NCR1: variants seen among roughly 807,000 people sequenced by gnomAD.
The protein encoded by NCR1 is natural cytotoxicity triggering receptor 1.
NCR1 carries 30 observed loss-of-function variants against 32.5 expected under a neutral mutation model. That is an observed-to-expected ratio of 0.92 (90% CI 0.69 to 1.25). NCR1 has a LOEUF of 1.25. Among genes scored for constraint, NCR1 ranks in the 50% most tolerant of loss-of-function variants. NCR1 has a pLI of 0.00. For synonymous variants in NCR1, 169 were observed against 143.4 expected (o/e 1.18, Z -1.28); for missense variants, 369 against 380.7 (o/e 0.97, Z 0.26).
At chr19:54,901,007 G>A in the NCR1 span, among the ~76,000 whole-genome samples, 19 of 151,776 alleles carry the variant, frequency 1.3e-4, no homozygotes, top group South Asian at 2.1e-3. Flanking sequence ...AAAAAAGGCC[G>A]GGTGCGGTGG....
At chr19:54,919,222 G>A (rs1417531960), downstream of NCR1, among the ~76,000 whole-genome samples, 1 of 149,976 alleles carries the variant, frequency 6.7e-6, no homozygotes, top group Non-Finnish European at 1.5e-5. Flanking sequence ...ACAAGACAAA[G>A]AGACAAGAGA....
downstream of NCR1, among the ~76,000 whole-genome samples, chr19:54,917,951 T>G (rs995954249): frequency 6.6e-6 from 1 of 152,056 alleles, no homozygotes; most frequent in African/African-American, 2.4e-5. Context: ...TCTTTCTTAT[T>G]GTTTTTATTC....
At chr19:54,931,042 C>A in the NCR1 span, among the ~76,000 whole-genome samples, 42,060 of 151,902 alleles carry the variant, frequency 0.28, 6,013 homozygotes, top group East Asian at 0.41. Flanking sequence ...ACAACAACAA[C>A]AAAAAGTATT....
the NCR1 span, among the ~76,000 whole-genome samples, chr19:54,927,952 G>C: frequency 6.6e-6 from 1 of 152,096 alleles, no homozygotes; most frequent in African/African-American, 2.4e-5. Flanking sequence ...ATTAGGCAGG[G>C]CGTGGGGACA....
the NCR1 span, among the ~76,000 whole-genome samples, chr19:54,929,576 G>A: frequency 1.3e-5 from 2 of 152,066 alleles, no homozygotes; most frequent in East Asian, 3.9e-4. Flanking sequence ...CATTTTCTGG[G>A]GGTGGTATCC....
the NCR1 span, among the ~76,000 whole-genome samples, chr19:54,932,373 A>G: frequency 6.6e-6 from 1 of 151,786 alleles, no homozygotes; most frequent in African/African-American, 2.4e-5. Flanking sequence ...AGTTGCAGTC[A>G]GCCAAGATTA....
In NCR1 at chr19:54,910,108, C is replaced by T. The variant is rs2067892366; in HGVS notation, c.682+43C>T. The T allele has an allele frequency of 1.9e-6, 3 of 1,569,378 alleles. No individual in the cohort carries two copies. In the African/African-American group the frequency reaches 4.1e-5, roughly 21 times the overall value. ...CTAAGCTCAGACGAGCGATCAGAGC[C>T]TCCCAGTGACACTAAAAACGTGGCA... On this transcript the variant is annotated intron_variant, in intron 5 of 6. Transcript: ENST00000291890.
the NCR1 span, among the ~76,000 whole-genome samples, chr19:54,921,915 G>A: frequency 1.3e-4 from 19 of 147,250 alleles, no homozygotes; most frequent in Admixed American, 1.2e-3. Context: ...TTTTTTTCGA[G>A]ACAAGAGTTT....
chr19:54,913,718 G>A (rs1302852822), downstream of NCR1, among the ~76,000 whole-genome samples: 1 of 151,892 alleles, frequency 6.6e-6, no homozygotes, highest in East Asian at 1.9e-4. Context: ...GATCACCTGA[G>A]GTCAGGAGTT....
rs1005912962 is a variant in NCR1 at position 54,912,955 on chromosome 19, A to G, written c.*84A>G. ...GCGGCGTGAGCTCTGTGTTGGACCC[A>G]CGGAGGAGGGAGTCACTGCAGGGAA... is the stretch of plus-strand genomic sequence containing the variant. On this transcript the variant is annotated 3_prime_UTR_variant, in exon 7 of 7. Transcript: ENST00000291890. 3 of 1,346,852 alleles carry G rather than the reference A, an allele frequency of 2.2e-6. No homozygotes were observed. The highest frequency in any genetic ancestry group is 2.9e-5 in the African/African-American group (2 of 69,370). 83.4% of individuals were successfully genotyped at this position (1,346,852 alleles called of 1,614,324 possible). A position where few individuals can be genotyped will look rare whatever the true frequency, so the allele number is the denominator to read the frequency against.
the NCR1 span, among the ~76,000 whole-genome samples, chr19:54,937,366 TG>T: frequency 6.6e-6 from 1 of 151,766 alleles, no homozygotes; most frequent in Non-Finnish European, 1.5e-5. Flanking sequence ...ACCTACTTTT[TG>T]GTTTGTTTTG....
In NCR1 at chr19:54,912,219, G is replaced by T. The variant is rs1352603649; in HGVS notation, c.733+1G>T. Reference sequence around the variant, plus strand: ...ACCACAGAGACGGGACTCCAGAAAGGTAAGTAGACAGCTGGGGCCATAGGC... The same window carrying T: ...ACCACAGAGACGGGACTCCAGAAAGTTAAGTAGACAGCTGGGGCCATAGGC... On this transcript the variant is annotated splice_donor_variant, in intron 6 of 6. Transcript: ENST00000291890. LOFTEE classifies it high-confidence loss of function. 1 of 1,613,766 alleles carries T rather than the reference G, an allele frequency of 6.2e-7. No individual in the cohort carries two copies. The highest frequency in any genetic ancestry group is 8.5e-7 in the Non-Finnish European group (1 of 1,179,724).
chr19:54,915,262 G>A (rs531759988), downstream of NCR1, among the ~76,000 whole-genome samples: 44 of 152,232 alleles, frequency 2.9e-4, 2 homozygotes, highest in South Asian at 8.9e-3. Flanking sequence ...CTGTGGCACA[G>A]CCTGCAACTT....
At chr19:54,908,501 G>A (rs1291054839) in intron 3 of NCR1, among the ~76,000 whole-genome samples, 1 of 152,082 alleles carries the variant, frequency 6.6e-6, no homozygotes, top group African/African-American at 2.4e-5. Flanking sequence ...GAGCTGTTGG[G>A]TACACCTCCC....
chr19:54,906,086 T>A, upstream of NCR1: 2 of 1,448,698 alleles, frequency 1.4e-6, no homozygotes, highest in Non-Finnish European at 1.9e-6. Context: ...AGCGCTCTGG[T>A]GATGGGCGCT....
chr19:54,900,764 A>G, the NCR1 span, among the ~76,000 whole-genome samples: 1 of 152,170 alleles, frequency 6.6e-6, no homozygotes, highest in South Asian at 2.1e-4. Context: ...GTTTAGAGAC[A>G]GAAGATGAGT....
At chr19:54,919,851 A>G (rs2068213531), downstream of NCR1, among the ~76,000 whole-genome samples, 1 of 152,126 alleles carries the variant, frequency 6.6e-6, no homozygotes, top group Admixed American at 6.5e-5. Context: ...CGCTAGACCA[A>G]GGAGCCCTCT....
At chr19:54,916,840 G>A (rs1053145998), downstream of NCR1, among the ~76,000 whole-genome samples, 1 of 151,212 alleles carries the variant, frequency 6.6e-6, no homozygotes, top group Admixed American at 6.6e-5. Flanking sequence ...GAGTCGCTGG[G>A]ATTACTGAGC....
upstream of NCR1, among the ~76,000 whole-genome samples, chr19:54,901,690 G>A (rs2067305134): frequency 6.6e-6 from 1 of 152,260 alleles, no homozygotes; most frequent in Non-Finnish European, 1.5e-5. Context: ...AAAGGAGGCT[G>A]GGCGTGGTGG....
Sources: allele counts gnomAD v4.1 joint callset (sites outside exome capture counted in the v4.1 genomes callset), GRCh38; gene constraint gnomAD v4.1.1; transcripts MANE v1.5; gene names NCBI Gene and HGNC (gene_info 2026-07-23, HGNC 2026-07-21).